LRMDA: variants seen among roughly 807,000 people sequenced by gnomAD.
LRMDA encodes the protein leucine-rich melanocyte differentiation-associated protein.
A neutral mutation model predicts 29.8 loss-of-function variants in LRMDA; 18 were observed. The observed-to-expected ratio is 0.60, with a 90% confidence interval of 0.42 to 0.90. LRMDA has a LOEUF of 0.90. Ranked by LOEUF, LRMDA falls within the 40% of genes least tolerant of loss-of-function variation. LRMDA has a pLI of 0.00. For missense variants in LRMDA, 273 were observed against 273.9 expected (o/e 1.00, Z 0.02); for synonymous variants, 125 against 109.4 (o/e 1.14, Z -0.89).
chr10:75,470,205 A>G (rs184884071), intron 2 of LRMDA, among the ~76,000 whole-genome samples: 89 of 152,284 alleles, frequency 5.8e-4, no homozygotes, highest in African/African-American at 1.9e-3. Flanking sequence ...AGATCAAAAC[A>G]TAAAGGTGAG....
chr10:76,452,543 T>C (rs1842417218), intron 6 of LRMDA, among the ~76,000 whole-genome samples: 1 of 151,666 alleles, frequency 6.6e-6, no homozygotes, highest in South Asian at 2.1e-4. Flanking sequence ...AGGATGCAGA[T>C]GGCTAGAAAG....
At chr10:75,894,576 CA>C (rs1401431466) in intron 2 of LRMDA, among the ~76,000 whole-genome samples, 1 of 152,194 alleles carries the variant, frequency 6.6e-6, no homozygotes, top group African/African-American at 2.4e-5. Flanking sequence ...GATCTACCCC[CA>C]GTGATTCTGA....
At chr10:76,533,172 A>G (rs1264047009) in intron 6 of LRMDA, among the ~76,000 whole-genome samples, 1 of 152,218 alleles carries the variant, frequency 6.6e-6, no homozygotes, top group Non-Finnish European at 1.5e-5. Context: ...CGAGAGAGAG[A>G]ATGAATCACA....
chr10:75,604,812 T>C (rs2059998), intron 2 of LRMDA, among the ~76,000 whole-genome samples: 16,114 of 152,150 alleles, frequency 0.11, 2,659 homozygotes, highest in African/African-American at 0.35. Context: ...CACTTACCAA[T>C]CAGAGCTTGC....
intron 5 of LRMDA, among the ~76,000 whole-genome samples, chr10:76,272,779 T>C (rs751473102): frequency 6.6e-6 from 1 of 152,130 alleles, no homozygotes; most frequent in Non-Finnish European, 1.5e-5. Context: ...TGAGGAAACT[T>C]ACAATCACGG....
intron 6 of LRMDA, among the ~76,000 whole-genome samples, chr10:76,437,220 C>T (rs942339333): frequency 6.6e-6 from 1 of 152,216 alleles, no homozygotes; most frequent in Admixed American, 6.5e-5. Context: ...GGTCTCATTC[C>T]TCTGCCTGAA....
chr10:76,115,189 A>G (rs1374968707), intron 5 of LRMDA, among the ~76,000 whole-genome samples: 1 of 152,210 alleles, frequency 6.6e-6, no homozygotes, highest in East Asian at 1.9e-4. Context: ...TGATTGTGGT[A>G]TTTAATTTTC....
intron 2 of LRMDA, among the ~76,000 whole-genome samples, chr10:76,034,371 A>G (rs1308314366): frequency 2.6e-5 from 4 of 152,138 alleles, no homozygotes; most frequent in African/African-American, 7.2e-5. Context: ...GAAAAAGAGA[A>G]AGGAGGAGGA....
chr10:75,433,274 C>T (rs748168880), intron 1 of LRMDA, among the ~76,000 whole-genome samples: 29 of 152,154 alleles, frequency 1.9e-4, no homozygotes, highest in Non-Finnish European at 3.7e-4. Flanking sequence ...TGAGCACTTT[C>T]CTGTGCTTCC....
At chr10:76,068,043 A>T (rs1848813098) in intron 5 of LRMDA, among the ~76,000 whole-genome samples, 1 of 152,262 alleles carries the variant, frequency 6.6e-6, no homozygotes, top group South Asian at 2.1e-4. Context: ...CTAGAGAAAC[A>T]TCATGAACAT....
intron 2 of LRMDA, among the ~76,000 whole-genome samples, chr10:75,740,778 G>A (rs1181006162): frequency 6.6e-6 from 1 of 152,090 alleles, no homozygotes; most frequent in Non-Finnish European, 1.5e-5. Flanking sequence ...GACCTGATTT[G>A]TGATTCAATT....
chr10:75,782,736 T>A, intron 2 of LRMDA: 1 of 1,341,668 alleles, frequency 7.5e-7, no homozygotes, highest in Non-Finnish European at 9.6e-7. Flanking sequence ...GGGGCGAAAC[T>A]GCAAGCAGAT....
At chr10:75,744,950 GACATGC>G (rs1235592220) in intron 2 of LRMDA, among the ~76,000 whole-genome samples, 1 of 152,138 alleles carries the variant, frequency 6.6e-6, no homozygotes, top group Admixed American at 6.5e-5. Context: ...CTTCCCTGCT[GACATGC>G]ACAGGCACAG....
At position 75,787,985 on chromosome 10, in the gene LRMDA, C is replaced by T. The variant is rs532592460; in HGVS notation, c.132-248023C>T. On this transcript the variant is annotated intron_variant, in intron 2 of 6. Coordinates refer to ENST00000611255, the MANE Select transcript of LRMDA (RefSeq NM_001305581.2). ...AGGAGCTTGCAGTGAGCTGAGATCA[C>T]GCCACTGCACTCCAGCCTGGGCGAC... 7.9e-5 allele frequency among the ~76,000 whole-genome samples: 12 copies of T among 151,718 alleles called. No individual in the cohort carries two copies. In the East Asian group the frequency reaches 1.6e-3, roughly 20 times the overall value.
intron 2 of LRMDA, among the ~76,000 whole-genome samples, chr10:75,625,211 G>A (rs1841235924): frequency 6.6e-6 from 1 of 152,184 alleles, no homozygotes; most frequent in African/African-American, 2.4e-5. Context: ...GGTGTGTTGA[G>A]TGGTTGCTGC....
At chr10:75,806,215 A>T (rs1197927713) in intron 2 of LRMDA, among the ~76,000 whole-genome samples, 2 of 152,174 alleles carry the variant, frequency 1.3e-5, no homozygotes, top group Admixed American at 1.3e-4. Context: ...ACCTCCCACC[A>T]GGCCCCACCT....
In LRMDA at chr10:75,979,286, G is replaced by A. The variant is rs192410711; in HGVS notation, c.132-56722G>A. On this transcript the variant is annotated intron_variant, in intron 2 of 6. Coordinates refer to ENST00000611255, the MANE Select transcript of LRMDA (RefSeq NM_001305581.2). ...TTACAAGGGTGGTACATGCGTGACT[G>A]AAATTAGGGAAACACTGGCTTAGAG... Among the ~76,000 whole-genome samples the A allele has an allele frequency of 1.6e-3, 245 of 152,342 alleles. 1 individual carries two copies. The highest frequency in any genetic ancestry group is 5.4e-3 in the African/African-American group (223 of 41,578).
At chr10:76,416,893 A>G (rs1842020861) in intron 6 of LRMDA, among the ~76,000 whole-genome samples, 1 of 152,154 alleles carries the variant, frequency 6.6e-6, no homozygotes, top group South Asian at 2.1e-4. Flanking sequence ...TGCACTGCCC[A>G]TTCTTGCATT....
intron 2 of LRMDA, among the ~76,000 whole-genome samples, chr10:75,837,243 G>A (rs1192098433): frequency 6.6e-6 from 1 of 152,082 alleles, no homozygotes; most frequent in Non-Finnish European, 1.5e-5. Context: ...GTATTAGGTG[G>A]GGTTAAATTT....
Sources: allele counts gnomAD v4.1 joint callset (sites outside exome capture counted in the v4.1 genomes callset), GRCh38; gene constraint gnomAD v4.1.1; transcripts MANE v1.5; gene names NCBI Gene and HGNC (gene_info 2026-07-23, HGNC 2026-07-21).